YAP1: variants seen among roughly 807,000 people sequenced by gnomAD.
The protein encoded by YAP1 is transcriptional coactivator YAP1.
Under a neutral mutation model 56.9 loss-of-function variants are expected in YAP1, and 5 were observed. That is an observed-to-expected ratio of 0.09 (90% CI 0.05 to 0.18). The LOEUF is 0.18. Among genes scored for constraint, YAP1 ranks in the 10% least tolerant of loss-of-function variants. The pLI is 1.00. For synonymous variants in YAP1, 265 were observed against 248.1 expected, an observed-to-expected ratio of 1.07 and a Z score of -0.64; for missense variants, 539 against 651.8, an observed-to-expected ratio of 0.83 and a Z score of 1.88.
chr11:102,126,028 G>T (rs1944019308), intron 2 of YAP1, among the ~76,000 whole-genome samples: 2 of 152,028 alleles, frequency 1.3e-5, no homozygotes, highest in Non-Finnish European at 1.5e-5. Context: ...TGACAATGTG[G>T]GGCCTCATCC....
intron 3 of YAP1, 70 bp downstream of exon 3, chr11:102,162,641 T>C: frequency 1.2e-5 from 17 of 1,435,258 alleles, no homozygotes; most frequent in Admixed American, 1.7e-5. Context: ...ATGTGGAAAA[T>C]AGTCATTACT....
Sources: gnomAD v4.1 joint callset for allele counts (sites outside exome capture counted in the v4.1 genomes callset) on GRCh38, gnomAD v4.1.1 for gene constraint, MANE v1.5 for transcripts, NCBI Gene and HGNC (gene_info 2026-07-23, HGNC 2026-07-21) for gene names.